The following SLC31A1 variants were observed in gnomAD, a reference collection of about 807,000 sequenced individuals.
SLC31A1 encodes solute carrier family 31 member 1.
A neutral mutation model predicts 17.2 loss-of-function variants in SLC31A1; 5 were observed. The ratio of observed to expected loss-of-function variants is 0.29; its 90% CI spans 0.15 to 0.61. The LOEUF (loss-of-function observed/expected upper bound fraction) is 0.61, where lower values mean the gene tolerates loss of function less well. Ranked by LOEUF, SLC31A1 falls within the 20% of genes least tolerant of loss-of-function variation. The pLI is 0.86. For synonymous variants in SLC31A1, 76 were observed against 78.8 expected, an observed-to-expected ratio of 0.96 and a Z score of 0.19; for missense variants, 161 against 241.4, an observed-to-expected ratio of 0.67 and a Z score of 2.21.
At chr9:113,248,301 G>A (rs972342992) in intron 1 of SLC31A1, among the ~76,000 whole-genome samples, 32 of 152,050 alleles carry the variant, frequency 2.1e-4, no homozygotes, top group African/African-American at 7.7e-4. Flanking sequence ...TCCAGCCTGG[G>A]TGACAGAGAC....
chr9:113,262,296 C>T lies in SLC31A1; in HGVS notation c.*1823C>T, dbSNP rs1400084726. The T allele has an allele frequency of 6.5e-6, 1 of 152,676 alleles. No homozygotes were observed. Among genetic ancestry groups the T allele is most frequent in the African/African-American group, 2.4e-5 (1 of 41,452 alleles). 9.5% of individuals were successfully genotyped at this position (152,676 alleles called of 1,614,324 possible). A position where few individuals can be genotyped will look rare whatever the true frequency, so the allele number is the denominator to read the frequency against. Reference sequence around the variant, plus strand: ...ATTACAAGTGGCCAAAACCCCTGTTCTCAGTGAAGAACCACATTGGATTTG... The same window carrying T: ...ATTACAAGTGGCCAAAACCCCTGTTTTCAGTGAAGAACCACATTGGATTTG... On this transcript the variant is annotated 3_prime_UTR_variant, in exon 5 of 5. Transcript: ENST00000374212.
At chr9:113,224,094 T>A (rs1232531657) in intron 1 of SLC31A1, among the ~76,000 whole-genome samples, 3 of 152,236 alleles carry the variant, frequency 2.0e-5, no homozygotes, top group African/African-American at 7.2e-5. Context: ...CCTGTTTTTA[T>A]AAGTAAAGCT....
At position 113,258,902 on chromosome 9, in the gene SLC31A1, C is replaced by T. The variant is rs1298347306; in HGVS notation, c.371+40C>T. 4.4e-6 allele frequency: 7 copies of T among 1,602,406 alleles called. No homozygotes were observed. The highest frequency in any genetic ancestry group is 3.3e-5 in the South Asian group (3 of 90,810). On this transcript the variant is annotated intron_variant, in intron 4 of 4. Coordinates refer to ENST00000374212, the MANE Select transcript of SLC31A1 (RefSeq NM_001859.4). The surrounding 1 kb of genome is among the most constrained non-coding windows in gnomAD (Gnocchi z 4.8). ...GATCCAGATGAAGTCCTAAAGAACT[C>T]GATCAGTTAAGCAGCAAAGCGCAGC...
chr9:113,230,995 A>G (rs1293395765), intron 1 of SLC31A1, among the ~76,000 whole-genome samples: 1 of 152,126 alleles, frequency 6.6e-6, no homozygotes, highest in Non-Finnish European at 1.5e-5. Context: ...CCTCTGGGGC[A>G]GAGGGTACTT....
chr9:113,258,788 C>G lies in SLC31A1; in HGVS notation c.297C>G (p.Val99=). The G allele has an allele frequency of 6.2e-7, 1 of 1,614,228 alleles. No homozygotes were observed. Among genetic ancestry groups the G allele is most frequent in the Non-Finnish European group, 8.5e-7 (1 of 1,180,038 alleles). ...AGAGCCTGCTGCGTAAGTCACAAGT[C>G]AGCATTCGCTACAATTCCATGCCTG... ...ARESLLRKSQ[V]SIRYNSMPVP... The change falls in exon 4 of 5, where the codon GTC becomes GTG. Residue 99 remains valine, a synonymous_variant. Transcript: ENST00000374212. The surrounding 1 kb of genome is among the most constrained non-coding windows in gnomAD (Gnocchi z 4.8).
At position 113,260,580 on chromosome 9, in the gene SLC31A1, T is replaced by TCCAC; in HGVS notation, c.*107_*108insCCAC. 1 of 630,674 alleles carries TCCAC rather than the reference T, an allele frequency of 1.6e-6. No homozygotes were observed. The highest frequency in any genetic ancestry group is 2.9e-6 in the Non-Finnish European group (1 of 348,474). 39.1% of individuals were successfully genotyped at this position (630,674 alleles called of 1,614,324 possible). A position where few individuals can be genotyped will look rare whatever the true frequency, so the allele number is the denominator to read the frequency against. On this transcript the variant is annotated 3_prime_UTR_variant, in exon 5 of 5. Transcript: ENST00000374212. Reference sequence around the variant, plus strand: ...CCCTTCTTGCTCCTCTTTGTGCACGTACACACACACACACACACACACACA... The same window carrying TCCAC: ...CCCTTCTTGCTCCTCTTTGTGCACGTCCACACACACACACACACACACACACACA...
At chr9:113,255,700 A>C (rs928064229) in intron 1 of SLC31A1, 1 of 155,772 alleles carries the variant, frequency 6.4e-6, no homozygotes, top group East Asian at 1.9e-4. Flanking sequence ...AATTCTGCAG[A>C]ATAAGGAAGG....
In SLC31A1 at chr9:113,258,523, G is replaced by A. The variant is rs1297554445; in HGVS notation, c.203-171G>A. ...TTCTTGGCAGAGGCAATAGTTTTCA[G>A]TTACACCATCTTAGCCGTTCTCCTA... On this transcript the variant is annotated intron_variant, in intron 3 of 4. Transcript: ENST00000374212. The surrounding 1 kb of genome is among the most constrained non-coding windows in gnomAD (Gnocchi z 4.8). Among the ~76,000 whole-genome samples, 2 of 152,194 alleles carry A rather than the reference G, an allele frequency of 1.3e-5. No individual in the cohort carries two copies.
Position 113,264,267 on chromosome 9 carries a change from T to C in SLC31A1, c.*3794T>C, listed in dbSNP as rs1831830186. 6.6e-6 allele frequency: 1 copy of C among 150,422 alleles called. No homozygotes were observed. The highest frequency in any genetic ancestry group is 2.5e-5 in the African/African-American group (1 of 40,548). 9.3% of individuals were successfully genotyped at this position (150,422 alleles called of 1,614,324 possible). A position where few individuals can be genotyped will look rare whatever the true frequency, so the allele number is the denominator to read the frequency against. ...AGGCGGAGGTTGCAGTGAGCCAAGA[T>C]GGCGCCATTGCACTCCAGCCTGGGC... On this transcript the variant is annotated 3_prime_UTR_variant, in exon 5 of 5. Transcript: ENST00000374212.
At chr9:113,246,265 A>G (rs1831576942) in intron 1 of SLC31A1, among the ~76,000 whole-genome samples, 1 of 152,032 alleles carries the variant, frequency 6.6e-6, no homozygotes, top group Admixed American at 6.5e-5. Flanking sequence ...GCCTGGTATC[A>G]AACTCCTGGG....
chr9:113,250,535 GGGGGAGGGGGGA>G (rs1425347777), intron 1 of SLC31A1, among the ~76,000 whole-genome samples: 1 of 144,112 alleles, frequency 6.9e-6, no homozygotes, highest in East Asian at 2.1e-4. Flanking sequence ...TTGTGGGGTT[GGGGGAGGGGGGA>G]GGGATAGCAC....
chr9:113,235,594 C>T (rs1182058402), intron 1 of SLC31A1, among the ~76,000 whole-genome samples: 2 of 152,154 alleles, frequency 1.3e-5, no homozygotes, highest in African/African-American at 4.8e-5. Flanking sequence ...ATTTCAAAAT[C>T]ACAGAAGACT....
Position 113,230,952 on chromosome 9 carries a change from C to T in SLC31A1, c.-36+9274C>T, listed in dbSNP as rs564210283. On this transcript the variant is annotated intron_variant, in intron 1 of 4. Transcript: ENST00000374212. ...GTTCAATAGCAAGTTTAAGCCAGAG[C>T]CTCCATCCTTTCCATCTCTGAATTC... 9.2e-5 allele frequency among the ~76,000 whole-genome samples: 14 copies of T among 152,242 alleles called. No homozygotes were observed. In the South Asian group the frequency reaches 2.9e-3, roughly 32 times the overall value.
In SLC31A1 at chr9:113,260,493, G is replaced by A. The variant is rs1479427988; in HGVS notation, c.*20G>A. The A allele has an allele frequency of 6.2e-7, 1 of 1,605,584 alleles. No individual in the cohort carries two copies. Among genetic ancestry groups the A allele is most frequent in the Non-Finnish European group, 8.5e-7 (1 of 1,175,478 alleles). ...CATTGACATCAAACTCTATGGCGTGGCCTTATCGATTGCAGTGGGAAGTTG... is the reference window on the plus strand; with the variant it reads ...CATTGACATCAAACTCTATGGCGTGACCTTATCGATTGCAGTGGGAAGTTG... On this transcript the variant is annotated 3_prime_UTR_variant, in exon 5 of 5. Transcript: ENST00000374212.
intron 1 of SLC31A1, chr9:113,223,282 G>A (rs533519412): frequency 4.5e-6 from 2 of 449,056 alleles, no homozygotes; most frequent in South Asian, 3.2e-5. Context: ...GGAGGAAGAT[G>A]ATGGTGAGTC....
chr9:113,243,807 C>T (rs1253761350), intron 1 of SLC31A1, among the ~76,000 whole-genome samples: 1 of 152,132 alleles, frequency 6.6e-6, no homozygotes, highest in African/African-American at 2.4e-5. Flanking sequence ...CCTGAGTTAT[C>T]GTCCCTTTTT....
intron 1 of SLC31A1, among the ~76,000 whole-genome samples, chr9:113,230,966 A>G (rs1387952336): frequency 6.6e-6 from 1 of 152,054 alleles, no homozygotes; most frequent in Non-Finnish European, 1.5e-5. Flanking sequence ...CATCCTTTCC[A>G]TCTCTGAATT....
chr9:113,242,710 T>C (rs1182660287), intron 1 of SLC31A1, among the ~76,000 whole-genome samples: 1 of 152,178 alleles, frequency 6.6e-6, no homozygotes, highest in Non-Finnish European at 1.5e-5. Context: ...ATGCCCAGCC[T>C]AAAATCATTT....
chr9:113,251,063 C>A (rs1831646586), intron 1 of SLC31A1, among the ~76,000 whole-genome samples: 1 of 152,170 alleles, frequency 6.6e-6, no homozygotes, highest in African/African-American at 2.4e-5. Context: ...TTATAAATTA[C>A]CCAGCCTGAG....
Sources: allele counts gnomAD v4.1 joint callset (sites outside exome capture counted in the v4.1 genomes callset), GRCh38; gene constraint gnomAD v4.1.1; non-coding constraint Gnocchi (gnomAD v3.1); transcripts MANE v1.5; gene names NCBI Gene and HGNC (gene_info 2026-07-23, HGNC 2026-07-21).